The following CDH8 variants were observed in gnomAD, a reference collection of about 807,000 sequenced individuals.
CDH8 encodes cadherin-8.
Under a neutral mutation model 68.1 loss-of-function variants are expected in CDH8, and 17 were observed. The ratio of observed to expected loss-of-function variants is 0.25; its 90% confidence interval spans 0.17 to 0.37. The LOEUF (loss-of-function observed/expected upper bound fraction) is 0.37, where lower values mean the gene tolerates loss of function less well. Ranked by LOEUF, CDH8 falls within the 10% of genes least tolerant of loss-of-function variation. The probability of loss-of-function intolerance (pLI) is 1.00; values close to 1 mark genes in which losing one functional copy is unlikely to be tolerated. For missense variants in CDH8, 763 were observed against 999.3 expected (o/e 0.76, Z 3.19); for synonymous variants, 372 against 365.1 (o/e 1.02, Z -0.21).
intron 10 of CDH8, among the ~76,000 whole-genome samples, chr16:61,674,437 G>C (rs1963857392): frequency 7.1e-6 from 1 of 140,048 alleles, no homozygotes; most frequent in African/African-American, 2.8e-5. Flanking sequence ...CGAGGTGACA[G>C]TGCAAGACTC....
intron 7 of CDH8, among the ~76,000 whole-genome samples, chr16:61,809,608 A>T (rs1428550109): frequency 6.6e-6 from 1 of 152,230 alleles, no homozygotes; most frequent in East Asian, 1.9e-4. Flanking sequence ...ATTTAAAAAG[A>T]AAAGAAAAAA....
rs141760245 is a variant in CDH8, at chr16:61,960,904, T to A, written c.253-59431A>T. ...GCATTCTCTGAGGATTTGCATTCAA[T>A]AAAGTTATGAAAGTTCTATGAAAAT... On this transcript the variant is annotated intron_variant, in intron 2 of 11. Transcript: ENST00000577390. Among the ~76,000 whole-genome samples the A allele has an allele frequency of 8.7e-4, 133 of 152,320 alleles. 1 individual carries two copies. The highest frequency in any genetic ancestry group is 3.0e-3 in the African/African-American group (125 of 41,570).
Position 61,843,716 on chromosome 16 carries a change from A to G in CDH8, c.667+13403T>C, listed in dbSNP as rs142702047. On this transcript the variant is annotated intron_variant, in intron 4 of 11. Coordinates refer to ENST00000577390, the MANE Select transcript of CDH8 (RefSeq NM_001796.5). ...ATATGTGTGCAAGTGTCTTTATAGC[A>G]GCATGATTTATAATCCTTTGGGTAT... Among the ~76,000 whole-genome samples the G allele has an allele frequency of 1.8e-4, 28 of 152,316 alleles. 1 individual carries two copies. In the East Asian group the frequency reaches 5.4e-3, roughly 29 times the overall value.
At chr16:61,689,219 G>A (rs974185548) in intron 10 of CDH8, among the ~76,000 whole-genome samples, 5 of 151,906 alleles carry the variant, frequency 3.3e-5, no homozygotes, top group Admixed American at 6.6e-5. Context: ...GACATACTAA[G>A]AGCTTTAGAA....
intron 7 of CDH8, among the ~76,000 whole-genome samples, chr16:61,800,186 A>C (rs2142996826): frequency 6.6e-6 from 1 of 152,348 alleles, no homozygotes; most frequent in East Asian, 1.9e-4. Flanking sequence ...TTATTTACAC[A>C]CTATAATAAT....
At chr16:62,000,152 T>C (rs985551152) in intron 2 of CDH8, among the ~76,000 whole-genome samples, 1 of 152,194 alleles carries the variant, frequency 6.6e-6, no homozygotes, top group Non-Finnish European at 1.5e-5. Context: ...CATTCTTTTT[T>C]AGTATTCCAT....
intron 9 of CDH8, chr16:61,725,461 T>C (rs1959327040): frequency 1.3e-5 from 2 of 150,914 alleles, no homozygotes; most frequent in South Asian, 4.1e-4. Flanking sequence ...GAGTTTTATT[T>C]AAATTCTGAA....
intron 2 of CDH8, among the ~76,000 whole-genome samples, chr16:61,993,743 C>A (rs1965765496): frequency 6.6e-6 from 1 of 151,996 alleles, no homozygotes; most frequent in Non-Finnish European, 1.5e-5. Context: ...TTTGTCTATA[C>A]CCAAGGAAAT....
At chr16:62,006,204 A>C (rs1202055493) in intron 2 of CDH8, among the ~76,000 whole-genome samples, 2 of 152,248 alleles carry the variant, frequency 1.3e-5, no homozygotes, top group Admixed American at 6.5e-5. Flanking sequence ...TGGGATGATC[A>C]AAAGAAATAC....
At chr16:61,699,877 A>C (rs1964390596) in intron 10 of CDH8, among the ~76,000 whole-genome samples, 1 of 152,126 alleles carries the variant, frequency 6.6e-6, no homozygotes, top group East Asian at 1.9e-4. Flanking sequence ...TGCCCGGCCC[A>C]CCCAGCATTA....
At chr16:62,001,058 G>A (rs1597118416) in intron 2 of CDH8, among the ~76,000 whole-genome samples, 1 of 152,230 alleles carries the variant, frequency 6.6e-6, no homozygotes, top group East Asian at 1.9e-4. Context: ...TGTTCATTGA[G>A]GCTAGAAAAT....
intron 8 of CDH8, among the ~76,000 whole-genome samples, chr16:61,733,843 C>T (rs1033652430): frequency 1.3e-5 from 2 of 151,918 alleles, no homozygotes; most frequent in East Asian, 3.9e-4. Flanking sequence ...TCTATATCTC[C>T]TCCATAGTTA....
chr16:61,938,228 TG>T (rs1487237247), intron 2 of CDH8, among the ~76,000 whole-genome samples: 1 of 152,112 alleles, frequency 6.6e-6, no homozygotes, highest in Non-Finnish European at 1.5e-5. Context: ...GACAAGTTGA[TG>T]AGGAATGAAT....
At position 61,652,746 on chromosome 16, in the gene CDH8, A is replaced by G. The variant is rs544478903; in HGVS notation, c.*862T>C. On this transcript the variant is annotated 3_prime_UTR_variant, in exon 12 of 12. Coordinates refer to ENST00000577390, the MANE Select transcript of CDH8 (RefSeq NM_001796.5). ...CCTTAATAAATAAAAGCATTAATGGACATCAATAAAATATTTATTTCGAGG... is the reference window on the plus strand; with the variant it reads ...CCTTAATAAATAAAAGCATTAATGGGCATCAATAAAATATTTATTTCGAGG... 17 of 1,319,414 alleles carry G rather than the reference A, an allele frequency of 1.3e-5. No individual in the cohort carries two copies. In the East Asian group the frequency reaches 3.4e-4, roughly 27 times the overall value. 81.7% of individuals were successfully genotyped at this position (1,319,414 alleles called of 1,614,324 possible). A position where few individuals can be genotyped will look rare whatever the true frequency, so the allele number is the denominator to read the frequency against.
intron 2 of CDH8, among the ~76,000 whole-genome samples, chr16:61,966,448 G>T (rs568030675): frequency 8.5e-5 from 13 of 152,158 alleles, no homozygotes; most frequent in South Asian, 2.1e-4. Context: ...TGAGGCAGGA[G>T]AATTGCTTGA....
intron 10 of CDH8, among the ~76,000 whole-genome samples, chr16:61,698,266 G>C (rs539163043): frequency 1.3e-5 from 2 of 152,284 alleles, no homozygotes; most frequent in South Asian, 4.1e-4. Flanking sequence ...TCCATTTTAA[G>C]AGAAGCGTAA....
At chr16:61,865,719 A>C (rs1308759651) in intron 3 of CDH8, among the ~76,000 whole-genome samples, 1 of 152,224 alleles carries the variant, frequency 6.6e-6, no homozygotes, top group Non-Finnish European at 1.5e-5. Context: ...CAACAGAAAA[A>C]GAAAAGTATT....
chr16:61,959,965 GGTGTATGT>G (rs200877007), intron 2 of CDH8, among the ~76,000 whole-genome samples: 1,838 of 56,682 alleles, frequency 0.032, 101 homozygotes, highest in African/African-American at 0.12. Context: ...CTCTGTATGT[GGTGTATGT>G]GTGTGTGTGT....
intron 8 of CDH8, among the ~76,000 whole-genome samples, chr16:61,782,254 G>A (rs1355988457): frequency 6.6e-6 from 1 of 152,238 alleles, no homozygotes; most frequent in Non-Finnish European, 1.5e-5. Context: ...AGCCGAAGCA[G>A]GGCGAGGCAT....
Sources: allele counts gnomAD v4.1 joint callset (sites outside exome capture counted in the v4.1 genomes callset), GRCh38; gene constraint gnomAD v4.1.1; transcripts MANE v1.5; gene names NCBI Gene and HGNC (gene_info 2026-07-23, HGNC 2026-07-21).